The following ENTREP2 variants were observed in gnomAD, a reference collection of about 807,000 sequenced individuals.
ENTREP2 encodes endosomal transmembrane epsin interactor 2.
the ENTREP2 span, among the ~76,000 whole-genome samples, chr15:29,155,402 A>G: frequency 1.3e-5 from 2 of 152,154 alleles, no homozygotes; most frequent in Non-Finnish European, 2.9e-5. Context: ...TGATGTGGGA[A>G]CAGGCACTGT....
chr15:29,501,305 C>A, the ENTREP2 span, among the ~76,000 whole-genome samples: 1 of 151,942 alleles, frequency 6.6e-6, no homozygotes, highest in African/African-American at 2.4e-5. Flanking sequence ...AATCTAACAG[C>A]ATATGAAAGG....
At chr15:29,279,122 C>G in the ENTREP2 span, among the ~76,000 whole-genome samples, 1 of 152,188 alleles carries the variant, frequency 6.6e-6, no homozygotes, top group Non-Finnish European at 1.5e-5. Flanking sequence ...TAACTTATTT[C>G]CACACACAGT....
the ENTREP2 span, among the ~76,000 whole-genome samples, chr15:29,467,618 A>G: frequency 6.6e-6 from 1 of 152,160 alleles, no homozygotes; most frequent in African/African-American, 2.4e-5. Context: ...TGTCAAAGAG[A>G]TTCAATGCAC....
chr15:29,196,360 A>G, the ENTREP2 span: 1 of 1,512,742 alleles, frequency 6.6e-7, no homozygotes, highest in African/African-American at 1.4e-5. Flanking sequence ...CTATATGTTA[A>G]TAAGGCTTCC....
chr15:29,675,023 G>T, the ENTREP2 span: 2 of 152,630 alleles, frequency 1.3e-5, no homozygotes, highest in African/African-American at 2.4e-5. Context: ...GCCTGGGCGC[G>T]CCTGCCCTTC....
At chr15:29,277,513 A>C in the ENTREP2 span, among the ~76,000 whole-genome samples, 3 of 152,082 alleles carry the variant, frequency 2.0e-5, no homozygotes, top group East Asian at 5.8e-4. Flanking sequence ...CGGGAGTGGG[A>C]GGGTGGTTTG....
chr15:29,525,323 A>G, the ENTREP2 span, among the ~76,000 whole-genome samples: 1 of 152,270 alleles, frequency 6.6e-6, no homozygotes, highest in African/African-American at 2.4e-5. Flanking sequence ...AGCATCACGC[A>G]TAACAACCAA....
chr15:29,358,885 A>G, the ENTREP2 span, among the ~76,000 whole-genome samples: 3 of 152,212 alleles, frequency 2.0e-5, no homozygotes, highest in Admixed American at 2.0e-4. Flanking sequence ...TTTGATTTCT[A>G]TAAGATATGT....
the ENTREP2 span, among the ~76,000 whole-genome samples, chr15:29,391,894 G>A: frequency 2.3e-4 from 35 of 152,232 alleles, no homozygotes; most frequent in African/African-American, 8.2e-4. Flanking sequence ...ACACGAGCTC[G>A]GCTCACCGCA....
the ENTREP2 span, among the ~76,000 whole-genome samples, chr15:29,660,460 C>T: frequency 6.6e-6 from 1 of 151,794 alleles, no homozygotes; most frequent in African/African-American, 2.4e-5. Flanking sequence ...GCCTCCAGAA[C>T]TGAGAGAATA....
chr15:29,433,847 G>A, the ENTREP2 span, among the ~76,000 whole-genome samples: 17 of 150,224 alleles, frequency 1.1e-4, no homozygotes, highest in Non-Finnish European at 2.1e-4. Flanking sequence ...TTCCTAAAGC[G>A]AACCACCCTC....
chr15:29,159,644 G>C, the ENTREP2 span, among the ~76,000 whole-genome samples: 2 of 152,156 alleles, frequency 1.3e-5, no homozygotes. Context: ...AACTAGATTA[G>C]CTAGATACAG....
the ENTREP2 span, among the ~76,000 whole-genome samples, chr15:29,157,550 A>G: frequency 6.6e-6 from 1 of 152,190 alleles, no homozygotes; most frequent in Non-Finnish European, 1.5e-5. Flanking sequence ...CCTGTGAGGA[A>G]GAGCTTCTAA....
chr15:29,561,425 C>T, the ENTREP2 span, among the ~76,000 whole-genome samples: 52,871 of 151,980 alleles, frequency 0.35, 9,631 homozygotes, highest in East Asian at 0.48. Context: ...TGGTGGCTCA[C>T]GCCTGTAATC....
At chr15:29,429,529 A>C in the ENTREP2 span, among the ~76,000 whole-genome samples, 2 of 152,320 alleles carry the variant, frequency 1.3e-5, no homozygotes, top group Non-Finnish European at 2.9e-5. Context: ...CCAATATTTA[A>C]TTTTTGAATT....
the ENTREP2 span, among the ~76,000 whole-genome samples, chr15:29,672,281 C>T: frequency 6.7e-6 from 1 of 150,134 alleles, no homozygotes; most frequent in South Asian, 2.1e-4. Flanking sequence ...AGCCACCGCG[C>T]CCGGTTTACT....
chr15:29,303,452 T>G, the ENTREP2 span, among the ~76,000 whole-genome samples: 1 of 152,018 alleles, frequency 6.6e-6, no homozygotes. Context: ...TGACACTGGG[T>G]TTTTTTTCAG....
chr15:29,437,192 T>C, the ENTREP2 span, among the ~76,000 whole-genome samples: 2 of 152,208 alleles, frequency 1.3e-5, no homozygotes, highest in East Asian at 3.9e-4. Context: ...ATGATGGCTT[T>C]TTCCAGTAAA....
At chr15:29,394,892 T>C in the ENTREP2 span, among the ~76,000 whole-genome samples, 11 of 140,358 alleles carry the variant, frequency 7.8e-5, 1 homozygote, top group South Asian at 1.7e-3. Context: ...CTTTTTTTTT[T>C]TTTTTTTTTT....
Sources: allele counts gnomAD v4.1 joint callset (sites outside exome capture counted in the v4.1 genomes callset), GRCh38; gene constraint gnomAD v4.1.1; transcripts MANE v1.5; gene names NCBI Gene and HGNC (gene_info 2026-07-23, HGNC 2026-07-21).